Variants in NR1I2 observed in about 807,000 individuals in gnomAD.
NR1I2 encodes nuclear receptor subfamily 1 group I member 2, also known as orphan nuclear receptor PAR1.
A neutral mutation model predicts 43.3 loss-of-function variants in NR1I2; 42 were observed. The observed-to-expected ratio is 0.97, with a 90% CI of 0.76 to 1.26. The LOEUF (loss-of-function observed/expected upper bound fraction) is 1.26, where lower values mean the gene tolerates loss of function less well. Ranked by LOEUF, NR1I2 falls within the 50% of genes most tolerant of loss-of-function variation. The pLI is 0.00. For synonymous variants in NR1I2, 229 were observed against 215.0 expected (o/e 1.06, Z -0.57); for missense variants, 559 against 566.7 (o/e 0.99, Z 0.14).
intron 1 of NR1I2, among the ~76,000 whole-genome samples, chr3:119,789,206 T>G (rs1559782701): frequency 6.6e-6 from 1 of 152,170 alleles, no homozygotes; most frequent in Admixed American, 6.5e-5. Context: ...AGAACTCAGG[T>G]TGGGATCAAA....
In NR1I2 at chr3:119,782,308, T is replaced by TTTTC. The variant is rs763436945; in HGVS notation, c.-23+18_-23+21dup. ...GAACTTACCACCAAGCAGGTATGGT[T>TTTTC]TTTCTTTCTTTCTCTTTTGCTGGGG... is the stretch of plus-strand genomic sequence containing the variant. On this transcript the variant is annotated intron_variant, in intron 1 of 8. Transcript: ENST00000393716. 1 of 170,950 alleles carries TTTTC rather than the reference T, an allele frequency of 5.8e-6. No individual in the cohort carries two copies. Among genetic ancestry groups the TTTTC allele is most frequent in the African/African-American group, 2.4e-5 (1 of 42,146 alleles). 10.6% of individuals were successfully genotyped at this position (170,950 alleles called of 1,614,324 possible). A position where few individuals can be genotyped will look rare whatever the true frequency, so the allele number is the denominator to read the frequency against.
At position 119,811,624 on chromosome 3, in the gene NR1I2, A is replaced by G; in HGVS notation, c.417A>G (p.Gly139=). Residue 139 remains glycine, a synonymous_variant, in exon 4 of 9, where the codon GGA becomes GGG. Coordinates refer to ENST00000393716, the MANE Select transcript of NR1I2 (RefSeq NM_003889.4). ...AACGGACAGGGACTCAGCCACTGGG[A>G]GTGCAGGGGCTGACAGAGGAGCAGC... 2.5e-6 allele frequency: 4 copies of G among 1,613,960 alleles called. No homozygotes were observed. The highest frequency in any genetic ancestry group is 3.4e-6 in the Non-Finnish European group (4 of 1,179,914).
At chr3:119,798,388 A>T (rs181000024) in intron 1 of NR1I2, among the ~76,000 whole-genome samples, 2,405 of 152,272 alleles carry the variant, frequency 0.016, 26 homozygotes, top group South Asian at 0.038. Context: ...GATTATTTTT[A>T]AAAATAGCAT....
Position 119,817,108 on chromosome 3 carries a change from C to T in NR1I2, c.1201C>T (p.Arg401Cys), listed in dbSNP as rs201008680. ...GATCATGGCTATGCTCACCGAGCTC[C>T]GCAGCATCAATGCTCAGCACACCCA... Residue 401 changes from arginine (R) to cysteine (C), a missense_variant, in exon 9 of 9, where the codon CGC (arginine) becomes TGC (cysteine). Coordinates refer to ENST00000393716, the MANE Select transcript of NR1I2 (RefSeq NM_003889.4). The T allele has an allele frequency of 5.6e-5, 90 of 1,614,056 alleles. No individual in the cohort carries two copies. Among genetic ancestry groups the T allele is most frequent in the African/African-American group, 1.9e-4 (14 of 74,916 alleles).
At position 119,815,185 on chromosome 3, in the gene NR1I2, G is replaced by C. The variant is rs576691329; in HGVS notation, c.937+64G>C. 355 of 1,610,514 alleles carry C rather than the reference G, an allele frequency of 2.2e-4. 4 individuals carry two copies. The South Asian group carries it at 2.3e-3, about 10-fold the overall frequency. On this transcript the variant is annotated intron_variant, in intron 6 of 8. Coordinates refer to ENST00000393716, the MANE Select transcript of NR1I2 (RefSeq NM_003889.4). Reference sequence around the variant, plus strand: ...AAACACTGCAGTTATGGGAGGAAGGGAGCTACGCCAGGATATGCAGGTTCT... The same window carrying C: ...AAACACTGCAGTTATGGGAGGAAGGCAGCTACGCCAGGATATGCAGGTTCT...
chr3:119,800,173 A>G (rs376198433), intron 1 of NR1I2, among the ~76,000 whole-genome samples: 1 of 152,212 alleles, frequency 6.6e-6, no homozygotes, highest in Admixed American at 6.5e-5. Context: ...ATTTTTGTGT[A>G]TGGCACGAGA....
At chr3:119,800,666 T>C (rs1053385504) in intron 1 of NR1I2, among the ~76,000 whole-genome samples, 1 of 152,122 alleles carries the variant, frequency 6.6e-6, no homozygotes, top group Non-Finnish European at 1.5e-5. Flanking sequence ...GCTCAAGCCC[T>C]TCAGAGCGTA....
chr3:119,808,351 G>T (rs1233531847), intron 2 of NR1I2, among the ~76,000 whole-genome samples: 1 of 152,212 alleles, frequency 6.6e-6, no homozygotes. Flanking sequence ...GCGCACAAAG[G>T]CCCATCTTTG....
intron 7 of NR1I2, 69 bp from the exon 8 acceptor site, chr3:119,815,657 C>A: frequency 7.2e-7 from 1 of 1,385,216 alleles, no homozygotes; most frequent in Admixed American, 1.9e-5. Flanking sequence ...GCGAGCAATG[C>A]CCTGACTCTG....
At chr3:119,797,190 G>GTGTGTA (rs2055013138) in intron 1 of NR1I2, among the ~76,000 whole-genome samples, 1 of 149,434 alleles carries the variant, frequency 6.7e-6, no homozygotes, top group Admixed American at 6.6e-5. Flanking sequence ...AAAGATATGT[G>GTGTGTA]TGTGTGTGTG....
At chr3:119,810,266 G>T (rs3732356) in intron 3 of NR1I2, 72 bp downstream of exon 3, 1,412,786 of 1,538,278 alleles carry the variant, frequency 0.92, 650,455 homozygotes, top group Admixed American at 0.94. Context: ...CGTGGGTGTG[G>T]GCATGCTTGT....
chr3:119,802,140 C>T (rs1262399390), intron 1 of NR1I2, among the ~76,000 whole-genome samples: 1 of 152,080 alleles, frequency 6.6e-6, no homozygotes, highest in Non-Finnish European at 1.5e-5. Context: ...CTCCTGGGGG[C>T]CACCTTGGAT....
chr3:119,802,243 G>A (rs1227016457), intron 1 of NR1I2, among the ~76,000 whole-genome samples: 1 of 152,164 alleles, frequency 6.6e-6, no homozygotes, highest in Non-Finnish European at 1.5e-5. Flanking sequence ...TAACACTTGG[G>A]CAAAACAAAA....
intron 1 of NR1I2, among the ~76,000 whole-genome samples, chr3:119,786,586 T>C (rs1174423190): frequency 1.3e-5 from 2 of 152,198 alleles, no homozygotes; most frequent in African/African-American, 2.4e-5. Context: ...GGCAGTTAAC[T>C]CAGAGGCCAC....
chr3:119,816,827 G>GAAA (rs10714748), intron 8 of NR1I2, among the ~76,000 whole-genome samples: 7 of 131,866 alleles, frequency 5.3e-5, no homozygotes, highest in African/African-American at 1.6e-4. Context: ...TCCCTTTAAA[G>GAAA]AAAAAAAAAA....
At position 119,815,014 on chromosome 3, in the gene NR1I2, A is replaced by AGGGG; in HGVS notation, c.832_835dup (p.Ala279GlyfsTer60). The AGGGG allele has an allele frequency of 6.2e-7, 1 of 1,614,106 alleles. No individual in the cohort carries two copies. The highest frequency in any genetic ancestry group is 1.1e-5 in the South Asian group (1 of 91,076). ...ATCGAGGACCAGATCTCCCTGCTGA[A>AGGGG]GGGGGCCGCTTTCGAGCTGTGTCAA... On this transcript the variant is annotated frameshift_variant, in exon 6 of 9. Coordinates refer to ENST00000393716, the MANE Select transcript of NR1I2 (RefSeq NM_003889.4). LOFTEE classifies it high-confidence loss of function.
chr3:119,797,193 T>TGTGTGTGTGTGTGTGC (rs2055013202), intron 1 of NR1I2, among the ~76,000 whole-genome samples: 1 of 150,030 alleles, frequency 6.7e-6, no homozygotes, highest in East Asian at 1.9e-4. Context: ...GATATGTGTG[T>TGTGTGTGTGTGTGTGC]GTGTGTGTGT....
At chr3:119,792,509 A>G (rs2054934722) in intron 1 of NR1I2, 1 of 1,083,982 alleles carries the variant, frequency 9.2e-7, no homozygotes, top group Non-Finnish European at 1.4e-6. Context: ...GAACATCACC[A>G]ATCTGCCGGC....
At chr3:119,813,646 T>C (rs1019157002) in intron 5 of NR1I2, among the ~76,000 whole-genome samples, 15 of 152,046 alleles carry the variant, frequency 9.9e-5, no homozygotes, top group African/African-American at 3.1e-4. Flanking sequence ...CTTCAGCAGG[T>C]TGAGGGTAGG....
Sources: gnomAD v4.1 joint callset for allele counts (sites outside exome capture counted in the v4.1 genomes callset) on GRCh38, gnomAD v4.1.1 for gene constraint, MANE v1.5 for transcripts, NCBI Gene and HGNC (gene_info 2026-07-23, HGNC 2026-07-21) for gene names.